The following AKAP6 variants were observed in gnomAD, a reference collection of about 807,000 sequenced individuals.
AKAP6 encodes the protein A-kinase anchoring protein 6.
In AKAP6, 58 loss-of-function variants were observed where a neutral mutation model predicts 188.5. The observed-to-expected ratio is 0.31, with a 90% CI of 0.25 to 0.38. The LOEUF is 0.38. Among genes scored for constraint, AKAP6 ranks in the 10% least tolerant of loss-of-function variants. AKAP6 has a pLI of 1.00. For missense variants in AKAP6, 2,710 were observed against 2,740.0 expected, an observed-to-expected ratio of 0.99 and a Z score of 0.24; for synonymous variants, 989 against 998.6, an observed-to-expected ratio of 0.99 and a Z score of 0.18.
intron 4 of AKAP6, among the ~76,000 whole-genome samples, chr14:32,559,070 C>T (rs1883814723): frequency 6.6e-6 from 1 of 152,118 alleles, no homozygotes; most frequent in African/African-American, 2.4e-5. Context: ...CTTTGAATTC[C>T]AAGTGTTTGC....
At chr14:32,756,455 G>A (rs1033959114) in intron 11 of AKAP6, among the ~76,000 whole-genome samples, 1 of 152,078 alleles carries the variant, frequency 6.6e-6, no homozygotes, top group Non-Finnish European at 1.5e-5. Context: ...CCCAGTGCTG[G>A]AGTATATTAG....
rs771451567 is a variant in AKAP6, at chr14:32,546,359, A to G, written c.1706A>G (p.Gln569Arg). The G allele has an allele frequency of 1.2e-6, 2 of 1,614,192 alleles. No homozygotes were observed. The highest frequency in any genetic ancestry group is 2.2e-5 in the East Asian group (1 of 44,888). Residue 569 changes from glutamine (Q) to arginine (R), a missense_variant, in exon 4 of 14, where the codon CAG (glutamine) becomes CGG (arginine). Physicochemically the swap from Gln to Arg is conservative, Grantham distance 43 (BLOSUM62 1). Around this residue, in one of 2 missense-constraint regions of AKAP6, gnomAD observed 2,473 missense variants for 2,426.1 expected, o/e 1.02. Coordinates refer to ENST00000280979, the MANE Select transcript of AKAP6 (RefSeq NM_004274.5). ...QRSWNAKLQL[Q>R]SETSSSPAFT... ...AGTTGGAATGCCAAATTGCAATTGC[A>G]GTCAGAAACATCCAGTTCACCAGCT...
rs188978096 is a variant in AKAP6, at chr14:32,813,015, A to T, written c.3589-8387A>T. ...TTGACAGTGTCTATCTGGAGTTAGC[A>T]TCAGATCCCATACGGGAAAGGGCTC... is the stretch of plus-strand genomic sequence containing the variant. On this transcript the variant is annotated intron_variant, in intron 12 of 13. Coordinates refer to ENST00000280979, the MANE Select transcript of AKAP6 (RefSeq NM_004274.5). Among the ~76,000 whole-genome samples, 514 of 152,244 alleles carry T rather than the reference A, an allele frequency of 3.4e-3. 4 individuals are homozygous for T. Among genetic ancestry groups the T allele is most frequent in the African/African-American group, 0.012 (486 of 41,546 alleles).
chr14:32,457,449 T>C (rs1288689117), intron 2 of AKAP6, among the ~76,000 whole-genome samples: 4 of 152,178 alleles, frequency 2.6e-5, no homozygotes, highest in Non-Finnish European at 4.4e-5. Flanking sequence ...CTGAGAGTTC[T>C]TAATATAACA....
intron 7 of AKAP6, among the ~76,000 whole-genome samples, chr14:32,608,286 C>T (rs893030169): frequency 1.3e-5 from 2 of 151,800 alleles, no homozygotes; most frequent in African/African-American, 4.9e-5. Context: ...GTGGGTGGAC[C>T]ATGAGGTCAG....
chr14:32,492,383 G>GAGAGAGAGAGAGAGA (rs1566537012), intron 2 of AKAP6, among the ~76,000 whole-genome samples: 6 of 141,468 alleles, frequency 4.2e-5, no homozygotes, highest in South Asian at 4.5e-4. Context: ...GAGAGAGAGA[G>GAGAGAGAGAGAGAGA]GCATTTGGAT....
At chr14:32,569,478 TA>T (rs1244876884) in intron 4 of AKAP6, among the ~76,000 whole-genome samples, 1 of 152,200 alleles carries the variant, frequency 6.6e-6, no homozygotes, top group Non-Finnish European at 1.5e-5. Context: ...AGTTAGGTAG[TA>T]GAGTCCAAAG....
intron 7 of AKAP6, among the ~76,000 whole-genome samples, chr14:32,656,119 A>C (rs1172610534): frequency 3.3e-5 from 5 of 152,172 alleles, no homozygotes; most frequent in Non-Finnish European, 1.5e-5. Flanking sequence ...GGATTTTTTT[A>C]AATAAATGTG....
chr14:32,815,891 A>T (rs1486165463), intron 12 of AKAP6, among the ~76,000 whole-genome samples: 1 of 152,202 alleles, frequency 6.6e-6, no homozygotes, highest in Admixed American at 6.5e-5. Context: ...CAAATGATGG[A>T]ACTGAGGCAT....
intron 12 of AKAP6, among the ~76,000 whole-genome samples, chr14:32,789,858 G>A (rs7155488): frequency 0.22 from 34,057 of 152,100 alleles, 4,640 homozygotes; most frequent in Non-Finnish European, 0.3. Flanking sequence ...CACAGAACTG[G>A]GTTGGGGCTG....
intron 9 of AKAP6, among the ~76,000 whole-genome samples, chr14:32,710,610 A>G (rs767180909): frequency 2.4e-4 from 37 of 151,904 alleles, no homozygotes; most frequent in Non-Finnish European, 4.1e-4. Flanking sequence ...ATCACAGACG[A>G]AAAAAAACAG....
At chr14:32,343,576 A>G (rs928186329) in intron 1 of AKAP6, among the ~76,000 whole-genome samples, 4 of 151,548 alleles carry the variant, frequency 2.6e-5, no homozygotes, top group African/African-American at 4.8e-5. Flanking sequence ...GTGAAACCCC[A>G]TCTCTACTAA....
intron 1 of AKAP6, among the ~76,000 whole-genome samples, chr14:32,400,951 A>T (rs973910658): frequency 6.6e-6 from 1 of 152,206 alleles, no homozygotes; most frequent in African/African-American, 2.4e-5. Flanking sequence ...AGGAATGGGC[A>T]TACGATCTAA....
chr14:32,602,371 T>C (rs567990162), intron 7 of AKAP6, among the ~76,000 whole-genome samples: 55 of 152,140 alleles, frequency 3.6e-4, no homozygotes, highest in Non-Finnish European at 6.6e-4. Context: ...GGCATGCACC[T>C]ACAGTCCTAG....
chr14:32,337,633 A>G (rs1886750679), intron 1 of AKAP6, among the ~76,000 whole-genome samples: 2 of 152,070 alleles, frequency 1.3e-5, no homozygotes. Context: ...CAGATTTGTT[A>G]CATATGTATA....
rs1387632013 is a variant in AKAP6, at chr14:32,834,916, A to C, written c.*5111A>C. ...TGTTCTGGTTTGACCCATTTGAACAATTGACGAGCTTCAAACAATTTTTAC... is the reference window on the plus strand; with the variant it reads ...TGTTCTGGTTTGACCCATTTGAACACTTGACGAGCTTCAAACAATTTTTAC... On this transcript the variant is annotated 3_prime_UTR_variant, in exon 14 of 14. Coordinates refer to ENST00000280979, the MANE Select transcript of AKAP6 (RefSeq NM_004274.5). The C allele has an allele frequency of 6.6e-6, 1 of 152,232 alleles. No homozygotes were observed. Among genetic ancestry groups the C allele is most frequent in the Non-Finnish European group, 1.5e-5 (1 of 68,042 alleles). 9.4% of individuals were successfully genotyped at this position (152,232 alleles called of 1,614,324 possible).
At chr14:32,633,397 G>C (rs1478825183) in intron 7 of AKAP6, among the ~76,000 whole-genome samples, 1 of 152,058 alleles carries the variant, frequency 6.6e-6, no homozygotes, top group Admixed American at 6.6e-5. Flanking sequence ...TACTCTGGTA[G>C]ATTGCATTGT....
At chr14:32,357,995 T>C (rs1394894133) in intron 1 of AKAP6, among the ~76,000 whole-genome samples, 4 of 152,210 alleles carry the variant, frequency 2.6e-5, no homozygotes, top group Non-Finnish European at 4.4e-5. Context: ...AGCTGCACTT[T>C]ACTGAGAGGA....
At chr14:32,347,275 A>C (rs560455976) in intron 1 of AKAP6, among the ~76,000 whole-genome samples, 57 of 152,230 alleles carry the variant, frequency 3.7e-4, no homozygotes, top group African/African-American at 1.3e-3. Context: ...TTTCTTACAC[A>C]TGTTTCTAAA....
Sources: allele counts gnomAD v4.1 joint callset (sites outside exome capture counted in the v4.1 genomes callset), GRCh38; gene constraint gnomAD v4.1.1; regional missense constraint gnomAD v4.1.1; transcripts MANE v1.5; gene names NCBI Gene and HGNC (gene_info 2026-07-23, HGNC 2026-07-21).